Variants in TBC1D2 observed in about 807,000 individuals in gnomAD.
The protein encoded by TBC1D2 is TBC1 domain family member 2.
Under a neutral mutation model 91.1 loss-of-function variants are expected in TBC1D2, and 58 were observed. That is an observed-to-expected ratio of 0.64 (90% CI 0.52 to 0.79). TBC1D2 has a LOEUF of 0.79. TBC1D2 is among the 30% of genes least tolerant of loss of function. TBC1D2 has a pLI of 0.00. For synonymous variants in TBC1D2, 482 were observed against 511.5 expected (o/e 0.94, Z 0.78); for missense variants, 1,080 against 1,208.3 (o/e 0.89, Z 1.57).
At chr9:98,220,725 G>A (rs1829073887) in intron 6 of TBC1D2, 108 bp downstream of exon 6, 1 of 1,369,340 alleles carries the variant, frequency 7.3e-7, no homozygotes, top group Non-Finnish European at 1.0e-6. Context: ...AGGATGAAGG[G>A]GTATCCCCAC....
intron 6 of TBC1D2, among the ~76,000 whole-genome samples, chr9:98,220,530 TC>T (rs1244675434): frequency 1.3e-5 from 2 of 152,108 alleles, no homozygotes. Flanking sequence ...ACTTAGCTAG[TC>T]AGGCTTTCAT....
chr9:98,238,606 C>A (rs1442002056), intron 3 of TBC1D2, among the ~76,000 whole-genome samples: 1 of 137,074 alleles, frequency 7.3e-6, no homozygotes, highest in Non-Finnish European at 1.5e-5. Context: ...GCTAAAGCCT[C>A]CAGAACAATG....
intron 6 of TBC1D2, among the ~76,000 whole-genome samples, chr9:98,216,743 C>T (rs543939983): frequency 6.6e-6 from 1 of 152,130 alleles, no homozygotes; most frequent in Admixed American, 6.5e-5. Flanking sequence ...CTCACTTTGT[C>T]ACCCAGGCTG....
At chr9:98,235,917 C>G (rs781656518) in intron 3 of TBC1D2, among the ~76,000 whole-genome samples, 4 of 151,866 alleles carry the variant, frequency 2.6e-5, no homozygotes, top group Non-Finnish European at 5.9e-5. Context: ...CACCTGTAAT[C>G]CCGGCTACTT....
chr9:98,237,427 A>AC (rs1294022789), intron 3 of TBC1D2, among the ~76,000 whole-genome samples: 1 of 151,590 alleles, frequency 6.6e-6, no homozygotes, highest in Non-Finnish European at 1.5e-5. Context: ...CACTTAGTGC[A>AC]CCTTGCAACA....
At chr9:98,200,143 G>C in intron 12 of TBC1D2, 110 bp downstream of exon 12, 2 of 1,447,520 alleles carry the variant, frequency 1.4e-6, no homozygotes, top group Non-Finnish European at 1.9e-6. Context: ...TATAATACGA[G>C]CATCAGCGTC....
At chr9:98,207,571 A>AT (rs1828687711) in intron 9 of TBC1D2, among the ~76,000 whole-genome samples, 2 of 151,244 alleles carry the variant, frequency 1.3e-5, no homozygotes, top group African/African-American at 4.9e-5. Context: ...GGCCAATCAG[A>AT]TTTTTTCTTT....
chr9:98,201,540 T>C lies in TBC1D2; in HGVS notation c.2396A>G (p.Asp799Gly). Residue 799 changes from aspartate (D) to glycine (G), a missense_variant, in exon 11 of 13, where the codon GAC becomes GGC. Coordinates refer to ENST00000465784, the MANE Select transcript of TBC1D2 (RefSeq NM_001267571.2). ...TFNWFLVVFADSLISNILLRV... is the reference protein window; with the variant it reads ...TFNWFLVVFAGSLISNILLRV... ...AAGGAGGATGTTGCTAATGAGACTG[T>C]CCGCAAAGACCACGAGGAACCAGTT... The C allele has an allele frequency of 6.2e-7, 1 of 1,614,086 alleles. No individual in the cohort carries two copies. The highest frequency in any genetic ancestry group is 1.7e-5 in the Admixed American group (1 of 60,020).
intron 8 of TBC1D2, among the ~76,000 whole-genome samples, chr9:98,209,364 T>G (rs1746804736): frequency 6.6e-6 from 1 of 152,114 alleles, no homozygotes; most frequent in African/African-American, 2.4e-5. Context: ...CCCAACGAGA[T>G]CCTCTGTTGT....
chr9:98,216,385 G>A (rs1183295314), intron 6 of TBC1D2, among the ~76,000 whole-genome samples: 1 of 151,922 alleles, frequency 6.6e-6, no homozygotes, highest in Non-Finnish European at 1.5e-5. Context: ...CCCCCCGCAA[G>A]GGAGGAAAGG....
Position 98,202,727 on chromosome 9 carries a change from G to A in TBC1D2, c.2271+561C>T, listed in dbSNP as rs150621552. Among the ~76,000 whole-genome samples, 17 of 152,294 alleles carry A rather than the reference G, an allele frequency of 1.1e-4. No individual in the cohort carries two copies. The East Asian group carries it at 3.1e-3, about 28-fold the overall frequency. ...GGTTCATTATACTATTCCCTCTATC[G>A]TTTTGAATGTGGGAAATTTTCCATA... On this transcript the variant is annotated intron_variant, in intron 10 of 12. Transcript: ENST00000465784.
chr9:98,199,555 G>A lies in TBC1D2; in HGVS notation c.2613C>T (p.Asn871=). The change falls in exon 13 of 13, where the codon AAC becomes AAT. Residue 871 remains asparagine (N), a synonymous_variant. Transcript: ENST00000465784. ...GCCGCAGCTGTTTCATGCGGAAGGGGTTCATGTCATTGAAGGCGATGTTCA... is the reference window on the plus strand; with the variant it reads ...GCCGCAGCTGTTTCATGCGGAAGGGATTCATGTCATTGAAGGCGATGTTCA... ...KLMNIAFNDM[N]PFRMKQLRQL... The A allele has an allele frequency of 1.9e-6, 3 of 1,614,102 alleles. No individual in the cohort carries two copies. The highest frequency in any genetic ancestry group is 2.5e-6 in the Non-Finnish European group (3 of 1,180,046).
rs1829880465 is a variant in TBC1D2 at position 98,251,842 on chromosome 9, G to A, written c.454C>T (p.Pro152Ser). 2.1e-5 allele frequency: 34 copies of A among 1,605,774 alleles called. No homozygotes were observed. Among genetic ancestry groups the A allele is most frequent in the Non-Finnish European group, 2.8e-5 (33 of 1,176,676 alleles). Residue 152 changes from proline (P) to serine (S), a missense_variant, in exon 2 of 13, where the codon CCT becomes TCT. By Grantham distance (74) the Pro-to-Ser change is moderately conservative. Coordinates refer to ENST00000465784, the MANE Select transcript of TBC1D2 (RefSeq NM_001267571.2). The part of the protein sequence containing the change: ...WEFHNSPPAP[P>S]ATPDAALAGN... ...GCCAGGGCGGCATCAGGGGTGGCAG[G>A]AGGTGCCGGCGGGCTGTTGTGGAAT...
chr9:98,210,516 C>A, intron 8 of TBC1D2, 140 bp downstream of exon 8: 1 of 819,216 alleles, frequency 1.2e-6, no homozygotes, highest in Non-Finnish European at 1.8e-6. Flanking sequence ...TCAGCTGCAG[C>A]CGCACACTAA....
chr9:98,210,357 G>A (rs761584658), intron 8 of TBC1D2, among the ~76,000 whole-genome samples: 9 of 152,076 alleles, frequency 5.9e-5, no homozygotes, highest in East Asian at 1.9e-4. Context: ...GTCTCCCCTC[G>A]TCCCCTCTCT....
At chr9:98,232,378 T>A (rs1300141035) in intron 4 of TBC1D2, among the ~76,000 whole-genome samples, 1 of 141,828 alleles carries the variant, frequency 7.1e-6, no homozygotes, top group African/African-American at 2.7e-5. Context: ...CTGTCACCCA[T>A]GCATGATCAC....
chr9:98,200,212 T>C (rs759204333), intron 12 of TBC1D2, 41 bp downstream of exon 12: 3 of 1,608,986 alleles, frequency 1.9e-6, no homozygotes, highest in Non-Finnish European at 2.5e-6. Context: ...TCCTTGGGGG[T>C]GTGTGAGTGG....
intron 2 of TBC1D2, among the ~76,000 whole-genome samples, chr9:98,247,859 A>G (rs1237118963): frequency 2.0e-5 from 3 of 152,218 alleles, no homozygotes; most frequent in East Asian, 3.9e-4. Flanking sequence ...TATTTTAACC[A>G]TCTTATTCTC....
At chr9:98,210,315 C>G (rs965784219) in intron 8 of TBC1D2, among the ~76,000 whole-genome samples, 1 of 152,206 alleles carries the variant, frequency 6.6e-6, no homozygotes, top group Non-Finnish European at 1.5e-5. Flanking sequence ...CTGTGCTCAG[C>G]AAGGCCTTGG....
Sources: allele counts gnomAD v4.1 joint callset (sites outside exome capture counted in the v4.1 genomes callset), GRCh38; gene constraint gnomAD v4.1.1; transcripts MANE v1.5; gene names NCBI Gene and HGNC (gene_info 2026-07-23, HGNC 2026-07-21).